The following COBLL1 variants were observed in gnomAD, a reference collection of about 807,000 sequenced individuals.
COBLL1 encodes cordon-bleu protein-like 1.
Under a neutral mutation model 94.8 loss-of-function variants are expected in COBLL1, and 50 were observed. That is an observed-to-expected ratio of 0.53 (90% CI 0.42 to 0.67). COBLL1 has a LOEUF of 0.67. COBLL1 is among the 30% of genes least tolerant of loss of function. The pLI is 0.00. For missense variants in COBLL1, 1,362 were observed against 1,348.7 expected (o/e 1.01, Z -0.15); for synonymous variants, 448 against 473.8 (o/e 0.95, Z 0.71).
chr2:164,743,779 G>C lies in COBLL1; in HGVS notation c.138C>G (p.Ile46Met), dbSNP rs201554679. 6.2e-7 allele frequency: 1 copy of C among 1,613,258 alleles called. No homozygotes were observed. Among genetic ancestry groups the C allele is most frequent in the African/African-American group, 1.3e-5 (1 of 74,996 alleles). The change falls in exon 3 of 14, where the codon ATC becomes ATG. Residue 46 changes from isoleucine to methionine, a missense_variant. By Grantham distance (10) the Ile-to-Met change is conservative. Transcript: ENST00000652658. ...CTATCATGTTTTCTTTCTGTTCCATGATGAAAGCAGTGGATTCTACAGAAT... is the reference window on the plus strand; with the variant it reads ...CTATCATGTTTTCTTTCTGTTCCATCATGAAAGCAGTGGATTCTACAGAAT... ...AADSVESTAF[I>M]MEQKENMIDK...
In COBLL1 at chr2:164,704,999, G is replaced by C; in HGVS notation, c.1103C>G (p.Pro368Arg). The stretch of plus-strand genomic sequence containing the variant: ...ACTTTGATGCGGGGGTATTTTGGAG[G>C]GTGGGGAAGGTGCTTTTCGCTTTGT... ...RRTKRKAPSP[P>R]SKIPPHQSDE... The change falls in exon 8 of 14, where the codon CCC becomes CGC. Residue 368 changes from proline (P) to arginine (R), a missense_variant. Pro to Arg is a moderately radical substitution (Grantham distance 103, BLOSUM62 -2). Coordinates refer to ENST00000652658, the MANE Select transcript of COBLL1 (RefSeq NM_001365672.2). 1 of 1,602,930 alleles carries C rather than the reference G, an allele frequency of 6.2e-7. No homozygotes were observed. The highest frequency in any genetic ancestry group is 1.1e-5 in the South Asian group (1 of 88,886).
At chr2:164,772,896 A>G (rs1435661658) in intron 2 of COBLL1, among the ~76,000 whole-genome samples, 5 of 152,128 alleles carry the variant, frequency 3.3e-5, no homozygotes, top group African/African-American at 4.8e-5. Context: ...TTATTCAGTT[A>G]GTTTAGCAAA....
At chr2:164,743,896 A>G (rs1362409516) in intron 2 of COBLL1, 21 bp from the exon 3 acceptor site, 2 of 1,451,530 alleles carry the variant, frequency 1.4e-6, no homozygotes, top group Admixed American at 2.4e-5. Context: ...AAGAAAACAC[A>G]AAAAATACAA....
At chr2:164,687,334 A>G (rs1208741679) in intron 13 of COBLL1, 2 of 672,098 alleles carry the variant, frequency 3.0e-6, no homozygotes, top group African/African-American at 1.8e-5. Context: ...CTGGGGATGT[A>G]CTTGACCCCA....
intron 2 of COBLL1, among the ~76,000 whole-genome samples, chr2:164,768,269 C>T (rs1415822355): frequency 6.6e-6 from 1 of 152,168 alleles, no homozygotes; most frequent in Non-Finnish European, 1.5e-5. Flanking sequence ...AGATCACATG[C>T]ACCAGAAATA....
At chr2:164,787,485 C>A (rs140423514) in intron 2 of COBLL1, among the ~76,000 whole-genome samples, 1 of 152,148 alleles carries the variant, frequency 6.6e-6, no homozygotes, top group African/African-American at 2.4e-5. Flanking sequence ...AATCATTTTA[C>A]AATGTAAACA....
downstream of COBLL1, among the ~76,000 whole-genome samples, chr2:164,679,402 G>A (rs1045645803): frequency 2.6e-5 from 4 of 151,940 alleles, no homozygotes; most frequent in African/African-American, 7.3e-5. Context: ...GATTAGAAAC[G>A]TAATTTATGA....
At chr2:164,686,928 T>C (rs191715432) in intron 13 of COBLL1, among the ~76,000 whole-genome samples, 53 of 152,316 alleles carry the variant, frequency 3.5e-4, no homozygotes, top group Non-Finnish European at 3.8e-4. Flanking sequence ...ACCGAGTAAA[T>C]TGGTTAAAAG....
At chr2:164,698,739 A>C (rs1057160225) in intron 11 of COBLL1, among the ~76,000 whole-genome samples, 2 of 152,020 alleles carry the variant, frequency 1.3e-5, no homozygotes, top group Non-Finnish European at 2.9e-5. Context: ...ATAAATATAG[A>C]ACCGCAAAGC....
At chr2:164,823,485 T>C (rs1223543080) in intron 2 of COBLL1, among the ~76,000 whole-genome samples, 1 of 152,156 alleles carries the variant, frequency 6.6e-6, no homozygotes, top group Non-Finnish European at 1.5e-5. Flanking sequence ...TCCAAACCTC[T>C]TACCCTCCTT....
Position 164,732,002 on chromosome 2 carries a change from C to T in COBLL1, c.231-1887G>A, listed in dbSNP as rs865979494. On this transcript the variant is annotated intron_variant, in intron 3 of 13. Coordinates refer to ENST00000652658, the MANE Select transcript of COBLL1 (RefSeq NM_001365672.2). ...ACGTTACATAGATTTCAGATCATCC[C>T]GTGTTCAGCCCCCATCTCTACTTTC... 2.7e-4 allele frequency among the ~76,000 whole-genome samples: 41 copies of T among 152,220 alleles called. 1 individual carries two copies. In the Middle Eastern group the frequency reaches 0.01, roughly 38 times the overall value.
intron 2 of COBLL1, chr2:164,840,867 T>G: frequency 2.9e-6 from 1 of 345,668 alleles, no homozygotes; most frequent in East Asian, 4.3e-5. Flanking sequence ...GGTCCCTTTG[T>G]TACAATTTTT....
intron 9 of COBLL1, 131 bp downstream of exon 9, chr2:164,704,312 TA>T: frequency 1.5e-6 from 1 of 665,352 alleles, no homozygotes. Flanking sequence ...TATTTCATAA[TA>T]AAAATTTGGG....
intron 2 of COBLL1, among the ~76,000 whole-genome samples, chr2:164,771,069 A>C (rs1688179100): frequency 6.6e-6 from 1 of 152,044 alleles, no homozygotes; most frequent in African/African-American, 2.4e-5. Flanking sequence ...ATATTTTCTT[A>C]ATTGCCTTCT....
In COBLL1 at chr2:164,686,026, TGG is replaced by T; in HGVS notation, c.3305_3306del (p.Thr1102AsnfsTer21). 1 of 1,589,450 alleles carries T rather than the reference TGG, an allele frequency of 6.3e-7. No homozygotes were observed. Among genetic ancestry groups the T allele is most frequent in the South Asian group, 1.1e-5 (1 of 89,650 alleles). On this transcript the variant is annotated frameshift_variant, in exon 14 of 14. Coordinates refer to ENST00000652658, the MANE Select transcript of COBLL1 (RefSeq NM_001365672.2). LOFTEE classifies it high-confidence loss of function. ...TTCACAGATATTGTATTTGATGGAA[TGG>T]TAACCTAAGAGAAAGAAACACACTT... is the stretch of plus-strand genomic sequence containing the variant. The part of the protein sequence containing the change: ...GEAAAKLKRV[T>X]IPSNTISVNG...
intron 2 of COBLL1, among the ~76,000 whole-genome samples, chr2:164,787,875 T>C (rs1559016397): frequency 6.6e-6 from 1 of 152,218 alleles, no homozygotes; most frequent in Non-Finnish European, 1.5e-5. Flanking sequence ...GTTGATTTCA[T>C]AGTGCCTTCT....
intron 3 of COBLL1, among the ~76,000 whole-genome samples, chr2:164,741,349 G>C (rs1199432505): frequency 6.6e-6 from 1 of 152,018 alleles, no homozygotes; most frequent in Admixed American, 6.6e-5. Flanking sequence ...TTTTGGAGGA[G>C]AAAATAAGGT....
intron 2 of COBLL1, among the ~76,000 whole-genome samples, chr2:164,805,321 CTCTCTCTCTCTCTCTCTA>C (rs1363111505): frequency 2.2e-4 from 8 of 35,588 alleles, no homozygotes; most frequent in South Asian, 8.5e-4. Flanking sequence ...CTCTCTCTCT[CTCTCTCTCTCTCTCTCTA>C]TATATATATA....
chr2:164,761,254 C>T (rs1170100744), intron 2 of COBLL1: 1 of 152,086 alleles, frequency 6.6e-6, no homozygotes, highest in Admixed American at 6.6e-5. Context: ...ACTAAAAATA[C>T]AAAATTAGCT....
Sources: allele counts gnomAD v4.1 joint callset (sites outside exome capture counted in the v4.1 genomes callset), GRCh38; gene constraint gnomAD v4.1.1; transcripts MANE v1.5; gene names NCBI Gene and HGNC (gene_info 2026-07-23, HGNC 2026-07-21).